GCN1: variants seen among roughly 807,000 people sequenced by gnomAD.
GCN1 encodes the protein GCN1 activator of EIF2AK4, also known as stalled ribosome sensor GCN1.
GCN1 carries 90 observed loss-of-function variants against 288.4 expected under a neutral mutation model. The observed-to-expected ratio is 0.31, with a 90% CI of 0.26 to 0.37. The LOEUF is 0.37. Among genes scored for constraint, GCN1 ranks in the 10% least tolerant of loss-of-function variants. GCN1 has a pLI of 1.00. For missense variants in GCN1, 2,586 were observed against 3,419.9 expected (o/e 0.76, Z 6.08); for synonymous variants, 1,386 against 1,420.2 (o/e 0.98, Z 0.54).
intron 21 of GCN1, 62 bp from the exon 22 acceptor site, chr12:120,161,645 C>T (rs1360028876): frequency 1.7e-5 from 21 of 1,256,850 alleles, no homozygotes; most frequent in South Asian, 2.4e-5. Flanking sequence ...GTCAGCCTCC[C>T]GCCAGCCATG....
rs1411088655 is a variant in GCN1, at chr12:120,176,167, T to C, written c.889A>G (p.Met297Val). The C allele has an allele frequency of 1.7e-5, 27 of 1,611,796 alleles. No homozygotes were observed. The highest frequency in any genetic ancestry group is 2.2e-5 in the Non-Finnish European group (26 of 1,177,856). Residue 297 changes from methionine (M) to valine (V), a missense_variant, in exon 10 of 58, where the codon ATG becomes GTG. Transcript: ENST00000300648. ...CCAGCCAGTCCTTTCACGATGTCCA[T>C]GGCATACTGGCTGAGGTCAAGCGTC... The part of the protein sequence containing the change: ...SVTLDLSQYA[M>V]DIVKGLAGHL...
Position 120,134,633 on chromosome 12 carries a change from C to A in GCN1, c.7102G>T (p.Ala2368Ser), listed in dbSNP as rs538505645. ...GAAATGAGCTTCCCCAGAGCATCTG[C>A]GGCCTTCAGGCGCACCCCCCGGTTG... is the stretch of plus-strand genomic sequence containing the variant. ...DSNRGVRLKA[A>S]DALGKLISIH... is the part of the protein sequence containing the mutation. Residue 2368 changes from alanine to serine, a missense_variant, in exon 52 of 58, where the codon GCA (alanine) becomes TCA (serine). Physicochemically the swap from Ala to Ser is moderately conservative, Grantham distance 99. Around this residue, in one of 8 missense-constraint regions of GCN1, gnomAD observed 355 missense variants for 431.1 expected, o/e 0.82. Transcript: ENST00000300648. This position sits in a 1 kb window ranked among gnomAD's most constrained non-coding sequence, Gnocchi z 5.0. 4.3e-6 allele frequency: 7 copies of A among 1,613,936 alleles called. No individual in the cohort carries two copies. In the Admixed American group the frequency reaches 1.2e-4, roughly 27 times the overall value.
chr12:120,128,053 T>C (rs1876675812), intron 57 of GCN1, 79 bp from the exon 58 acceptor site: 2 of 1,519,226 alleles, frequency 1.3e-6, no homozygotes, highest in Non-Finnish European at 1.8e-6. Flanking sequence ...AAGACAAAAA[T>C]GAATGTTAAC....
Position 120,144,280 on chromosome 12 carries a change from C to T in GCN1, c.5495+26G>A, listed in dbSNP as rs774613156. Reference sequence around the variant, plus strand: ...CATGAGCCACCACGCATCATCCCCACTGGGTCTTTCTGCCCAAGTTCTCAC... The same window carrying T: ...CATGAGCCACCACGCATCATCCCCATTGGGTCTTTCTGCCCAAGTTCTCAC... On this transcript the variant is annotated intron_variant, in intron 42 of 57. Coordinates refer to ENST00000300648, the MANE Select transcript of GCN1 (RefSeq NM_006836.2). The surrounding 1 kb of genome is among the most constrained non-coding windows in gnomAD (Gnocchi z 4.7). The T allele has an allele frequency of 2.5e-6, 4 of 1,613,772 alleles. No homozygotes were observed. In the African/African-American group the frequency reaches 5.3e-5, roughly 22 times the overall value.
At chr12:120,180,050 T>C (rs1878601481) in intron 5 of GCN1, among the ~76,000 whole-genome samples, 1 of 152,142 alleles carries the variant, frequency 6.6e-6, no homozygotes, top group Non-Finnish European at 1.5e-5. Flanking sequence ...CTCACACCTG[T>C]AATCCCAGCA....
intron 15 of GCN1, among the ~76,000 whole-genome samples, chr12:120,168,728 C>A (rs1054244566): frequency 2.6e-5 from 4 of 152,146 alleles, no homozygotes; most frequent in African/African-American, 2.4e-5. Context: ...TACCCACCCC[C>A]CCAACTAAAA....
intron 15 of GCN1, among the ~76,000 whole-genome samples, chr12:120,169,815 A>G (rs1015216921): frequency 1.3e-5 from 2 of 152,246 alleles, no homozygotes; most frequent in Non-Finnish European, 2.9e-5. Context: ...GGCTACGGGA[A>G]AAGACAGGGC....
intron 2 of GCN1, among the ~76,000 whole-genome samples, chr12:120,185,248 G>GT (rs1351776405): frequency 6.6e-6 from 1 of 152,100 alleles, no homozygotes; most frequent in Non-Finnish European, 1.5e-5. Context: ...ATTAGGAGGC[G>GT]TACCTTTCTT....
rs1034020784 is a variant in GCN1, at chr12:120,163,225, C to T, written c.1883G>A (p.Gly628Glu). ...LPLEALVTDA[G>E]EVTEAGKAYV... ...GGCCTTGCCTGCCTCAGTCACCTCT[C>T]CAGCATCAGTCACCAAAGCCTCTAA... Residue 628 changes from glycine (G) to glutamate (E), a missense_variant, in exon 19 of 58, where the codon GGA becomes GAA. Coordinates refer to ENST00000300648, the MANE Select transcript of GCN1 (RefSeq NM_006836.2). The T allele has an allele frequency of 8.1e-6, 13 of 1,613,968 alleles. No homozygotes were observed. The highest frequency in any genetic ancestry group is 1.3e-5 in the African/African-American group (1 of 74,950).
intron 55 of GCN1, 47 bp from the exon 56 acceptor site, chr12:120,130,800 C>T (rs1217507072): frequency 1.6e-6 from 2 of 1,267,532 alleles, no homozygotes; most frequent in Non-Finnish European, 2.3e-6. Context: ...CACCCCTTCC[C>T]CAGAGCCAGG....
At position 120,179,255 on chromosome 12, in the gene GCN1, G is replaced by A. The variant is rs185508542; in HGVS notation, c.427-305C>T. On this transcript the variant is annotated intron_variant, in intron 5 of 57. Transcript: ENST00000300648. Reference sequence around the variant, plus strand: ...GGTCCCTGCTTTTTTTTTTTAAGACGGAGTCTCGCTCTGTCGCCAGGCTGG... The same window carrying A: ...GGTCCCTGCTTTTTTTTTTTAAGACAGAGTCTCGCTCTGTCGCCAGGCTGG... Among the ~76,000 whole-genome samples the A allele has an allele frequency of 8.6e-3, 1,297 of 151,392 alleles. 13 individuals carry two copies. Among genetic ancestry groups the A allele is most frequent in the African/African-American group, 0.029 (1,216 of 41,252 alleles).
intron 50 of GCN1, 144 bp from the exon 51 acceptor site, chr12:120,136,876 C>A: frequency 7.6e-6 from 5 of 659,818 alleles, no homozygotes; most frequent in Non-Finnish European, 1.3e-5. Context: ...GGATCACAGC[C>A]TGAGAGGGCT....
chr12:120,170,905 A>G (rs908261224), intron 14 of GCN1, among the ~76,000 whole-genome samples: 2 of 152,086 alleles, frequency 1.3e-5, no homozygotes, highest in Non-Finnish European at 2.9e-5. Context: ...TCATGCCTGT[A>G]ATCCCAGCAC....
chr12:120,165,800 T>C (rs1364193065), intron 16 of GCN1, among the ~76,000 whole-genome samples: 1 of 151,828 alleles, frequency 6.6e-6, no homozygotes, highest in East Asian at 2.0e-4. Flanking sequence ...GTTGTTGTTG[T>C]TGTTGTTTTG....
Position 120,184,810 on chromosome 12 carries a change from T to C in GCN1, c.185+14A>G, listed in dbSNP as rs1369302585. 1.3e-6 allele frequency: 2 copies of C among 1,593,202 alleles called. No homozygotes were observed. Among genetic ancestry groups the C allele is most frequent in the Admixed American group, 3.3e-5 (2 of 59,986 alleles). On this transcript the variant is annotated intron_variant, in intron 3 of 57. Transcript: ENST00000300648. ...CAAAGTGCTCCACATATGGGGCCTT[T>C]GGCTGGGACTCACCTATATCGATGC...
At chr12:120,149,103 G>GT (rs1342470012) in intron 36 of GCN1, among the ~76,000 whole-genome samples, 1 of 151,828 alleles carries the variant, frequency 6.6e-6, no homozygotes, top group African/African-American at 2.4e-5. Context: ...TTCCTGGGGG[G>GT]GGAAAACTTT....
At chr12:120,160,358 G>T in intron 22 of GCN1, 103 bp from the exon 23 acceptor site, 1 of 791,544 alleles carries the variant, frequency 1.3e-6, no homozygotes, top group East Asian at 2.6e-5. Flanking sequence ...CACCATACCA[G>T]CTCTAAGTGT....
In GCN1 at chr12:120,156,647, T is replaced by A. The variant is rs1212064576; in HGVS notation, c.3169-43A>T. 1 of 1,604,728 alleles carries A rather than the reference T, an allele frequency of 6.2e-7. No individual in the cohort carries two copies. Among genetic ancestry groups the A allele is most frequent in the South Asian group, 1.1e-5 (1 of 90,586 alleles). On this transcript the variant is annotated intron_variant, in intron 27 of 57. Coordinates refer to ENST00000300648, the MANE Select transcript of GCN1 (RefSeq NM_006836.2). The surrounding 1 kb of genome is among the most constrained non-coding windows in gnomAD (Gnocchi z 5.8). ...CCACTGGTTCAGTCAGCAACTCATT[T>A]ACTACTAGGGGGCCAGAGAGGGATA...
At position 120,151,180 on chromosome 12, in the gene GCN1, G is replaced by A. The variant is rs1242981370; in HGVS notation, c.4274C>T (p.Ala1425Val). 2 of 1,613,798 alleles carry A rather than the reference G, an allele frequency of 1.2e-6. No homozygotes were observed. Among genetic ancestry groups the A allele is most frequent in the East Asian group, 2.2e-5 (1 of 44,894 alleles). ...QQEMMAALTD[A>V]IQDKKNFRRR... ...GCGGAAGTTCTTCTTATCTTGGATG[G>A]CATCAGTCAGTGCCGCCATCATCTC... The change falls in exon 34 of 58, where the codon GCC becomes GTC. Residue 1425 changes from alanine to valine, a missense_variant. By Grantham distance (64) the Ala-to-Val change is moderately conservative (BLOSUM62 0). Coordinates refer to ENST00000300648, the MANE Select transcript of GCN1 (RefSeq NM_006836.2).
Sources: gnomAD v4.1 joint callset for allele counts (sites outside exome capture counted in the v4.1 genomes callset) on GRCh38, gnomAD v4.1.1 for gene constraint, gnomAD v4.1.1 regional missense constraint, Gnocchi (gnomAD v3.1) non-coding constraint, MANE v1.5 for transcripts, NCBI Gene and HGNC (gene_info 2026-07-23, HGNC 2026-07-21) for gene names.